Variants in NELL1 observed in about 807,000 individuals in gnomAD.
NELL1 encodes the protein neural EGFL like 1.
NELL1 carries 76 observed loss-of-function variants against 107.4 expected under a neutral mutation model. The observed-to-expected ratio is 0.71, with a 90% confidence interval of 0.59 to 0.86. The LOEUF (loss-of-function observed/expected upper bound fraction) is 0.86. NELL1 is among the 40% of genes least tolerant of loss of function. The probability of loss-of-function intolerance (pLI) is 0.00; values close to 1 mark genes in which losing one functional copy is unlikely to be tolerated. For missense variants in NELL1, 1,024 were observed against 1,005.5 expected, an observed-to-expected ratio of 1.02 and a Z score of -0.25; for synonymous variants, 353 against 341.2, an observed-to-expected ratio of 1.03 and a Z score of -0.38.
chr11:20,929,949 G>T (rs1020989795), intron 9 of NELL1, among the ~76,000 whole-genome samples: 1 of 148,746 alleles, frequency 6.7e-6, no homozygotes, highest in African/African-American at 2.5e-5. Flanking sequence ...TCCAGCCTGG[G>T]CAACAGAGTG....
rs12418007 is a variant in NELL1, at chr11:20,764,792, C to T, written c.185-18888C>T. Reference sequence around the variant, plus strand: ...AAGGCTGAGGGGGAAGGAAACTACACGTGAGAGTCAGGTATTTGTTGATCT... The same window carrying T: ...AAGGCTGAGGGGGAAGGAAACTACATGTGAGAGTCAGGTATTTGTTGATCT... On this transcript the variant is annotated intron_variant, in intron 2 of 19. Coordinates refer to ENST00000357134, the MANE Select transcript of NELL1 (RefSeq NM_006157.5). Among the ~76,000 whole-genome samples, 1,251 of 151,940 alleles carry T rather than the reference C, an allele frequency of 8.2e-3. 36 individuals carry two copies. The highest frequency in any genetic ancestry group is 0.067 in the Admixed American group (1,023 of 15,262).
At chr11:21,013,188 A>C (rs576913680) in intron 12 of NELL1, among the ~76,000 whole-genome samples, 1 of 152,144 alleles carries the variant, frequency 6.6e-6, no homozygotes, top group Non-Finnish European at 1.5e-5. Context: ...TTACTGTCAC[A>C]ATTTTATCAC....
chr11:21,314,072 T>G (rs1244304492), intron 14 of NELL1, among the ~76,000 whole-genome samples: 1 of 136,416 alleles, frequency 7.3e-6, no homozygotes, highest in African/African-American at 2.7e-5. Context: ...ACCTCCACCA[T>G]GATTAATAGC....
chr11:21,434,948 G>A (rs948808266), intron 15 of NELL1, among the ~76,000 whole-genome samples: 4 of 151,702 alleles, frequency 2.6e-5, no homozygotes, highest in Non-Finnish European at 5.9e-5. Context: ...GTATATTTTT[G>A]TATGGAATTT....
chr11:20,669,733 G>A lies in NELL1; in HGVS notation c.10G>A (p.Asp4Asn). 3 of 1,613,680 alleles carry A rather than the reference G, an allele frequency of 1.9e-6. No individual in the cohort carries two copies. Among genetic ancestry groups the A allele is most frequent in the Middle Eastern group, 1.6e-4 (1 of 6,062 alleles). ...GGGACCCTCGAGAGCGATGCCGATG[G>A]ATTTGATTTTAGTTGTGTGGTTCTG... MPM[D>N]LILVVWFCVC... The change falls in exon 1 of 20, where the codon GAT becomes AAT. Residue 4 changes from aspartate to asparagine, a missense_variant. By Grantham distance (23) the Asp-to-Asn change is conservative. Transcript: ENST00000357134. The surrounding 1 kb of genome is among the most constrained non-coding windows in gnomAD (Gnocchi z 4.4).
chr11:20,700,135 A>G (rs1313470467), intron 2 of NELL1, among the ~76,000 whole-genome samples: 3 of 152,060 alleles, frequency 2.0e-5, no homozygotes, highest in African/African-American at 4.8e-5. Flanking sequence ...AAAAAACAAA[A>G]ACAAAAACAA....
intron 15 of NELL1, among the ~76,000 whole-genome samples, chr11:21,486,562 A>G (rs151245651): frequency 4.6e-5 from 7 of 152,264 alleles, no homozygotes; most frequent in East Asian, 1.9e-4. Flanking sequence ...AACCAAAAAC[A>G]TGGAAAAGAA....
At chr11:21,164,982 CTTGA>C (rs369530320) in intron 13 of NELL1, among the ~76,000 whole-genome samples, 46 of 152,166 alleles carry the variant, frequency 3.0e-4, no homozygotes, top group African/African-American at 8.9e-4. Context: ...CTCATAGAGA[CTTGA>C]TTATTTATTT....
At chr11:20,830,357 G>A (rs1857982379) in intron 3 of NELL1, among the ~76,000 whole-genome samples, 3 of 151,814 alleles carry the variant, frequency 2.0e-5, no homozygotes, top group Non-Finnish European at 4.4e-5. Flanking sequence ...ATGGAAGAAG[G>A]AGAAAGAATG....
chr11:20,671,331 T>A (rs1482961374), intron 1 of NELL1: 1 of 152,272 alleles, frequency 6.6e-6, no homozygotes, highest in Non-Finnish European at 1.5e-5. Context: ...CGCGAGAGTC[T>A]GGTGCTCGTG....
rs545672705 is a variant in NELL1 at position 21,452,734 on chromosome 11, G to T, written c.1646-81640G>T. On this transcript the variant is annotated intron_variant, in intron 15 of 19. Transcript: ENST00000357134. Reference sequence around the variant, plus strand: ...TGTATAAGTTTTTCTTCTTTTTAAAGCTCCTTAAGGTAGTAGCTTAGATCA... The same window carrying T: ...TGTATAAGTTTTTCTTCTTTTTAAATCTCCTTAAGGTAGTAGCTTAGATCA... Among the ~76,000 whole-genome samples, 76 of 151,714 alleles carry T rather than the reference G, an allele frequency of 5.0e-4. No individual in the cohort carries two copies. In the Middle Eastern group the frequency reaches 0.011, roughly 22 times the overall value.
At chr11:20,719,378 A>G (rs1855324047) in intron 2 of NELL1, among the ~76,000 whole-genome samples, 2 of 152,124 alleles carry the variant, frequency 1.3e-5, no homozygotes, top group South Asian at 2.1e-4. Flanking sequence ...TTAAATATTC[A>G]TTGTCAGAAC....
chr11:21,085,690 A>G (rs931852657), intron 12 of NELL1, among the ~76,000 whole-genome samples: 4 of 152,208 alleles, frequency 2.6e-5, no homozygotes, highest in Non-Finnish European at 5.9e-5. Flanking sequence ...AAATGCCCCA[A>G]TGCAAGAAGG....
At chr11:20,891,506 A>C (rs1849616034) in intron 5 of NELL1, among the ~76,000 whole-genome samples, 2 of 152,204 alleles carry the variant, frequency 1.3e-5, no homozygotes, top group Non-Finnish European at 2.9e-5. Context: ...AAATTCACAC[A>C]TAACAATACT....
At chr11:20,688,313 T>A (rs1854360327) in intron 2 of NELL1, among the ~76,000 whole-genome samples, 1 of 152,176 alleles carries the variant, frequency 6.6e-6, no homozygotes, top group African/African-American at 2.4e-5. Flanking sequence ...AGGTTTGGTG[T>A]ATAATTGATC....
At chr11:21,281,286 T>C (rs1000742746) in intron 14 of NELL1, among the ~76,000 whole-genome samples, 3 of 151,834 alleles carry the variant, frequency 2.0e-5, no homozygotes, top group Admixed American at 1.3e-4. Context: ...AAGAGGCTTA[T>C]GGTAATAGTG....
intron 15 of NELL1, among the ~76,000 whole-genome samples, chr11:21,516,020 G>A (rs766686060): frequency 3.9e-5 from 6 of 152,180 alleles, no homozygotes; most frequent in Admixed American, 6.5e-5. Context: ...CAGACTGTGA[G>A]ATCCCCGAGG....
chr11:21,228,060 A>G (rs376902297), intron 13 of NELL1, among the ~76,000 whole-genome samples: 54 of 152,306 alleles, frequency 3.5e-4, no homozygotes, highest in African/African-American at 1.2e-3. Context: ...TGAGGTTTCT[A>G]ACTGGAATTT....
chr11:20,685,759 A>G (rs870194), intron 2 of NELL1, among the ~76,000 whole-genome samples: 31,783 of 152,030 alleles, frequency 0.21, 3,647 homozygotes, highest in African/African-American at 0.28. Flanking sequence ...TGCCTTATGC[A>G]TTATTGATGT....
Sources: gnomAD v4.1 joint callset for allele counts (sites outside exome capture counted in the v4.1 genomes callset) on GRCh38, gnomAD v4.1.1 for gene constraint, Gnocchi (gnomAD v3.1) non-coding constraint, MANE v1.5 for transcripts, NCBI Gene and HGNC (gene_info 2026-07-23, HGNC 2026-07-21) for gene names.